Variants in MADD observed in about 807,000 individuals in gnomAD.
MADD encodes MAP kinase-activating death domain protein.
Under a neutral mutation model 176.7 loss-of-function variants are expected in MADD, and 109 were observed. The ratio of observed to expected loss-of-function variants is 0.62; its 90% CI spans 0.53 to 0.72. The LOEUF is 0.72. MADD is among the 30% of genes least tolerant of loss of function. The probability of loss-of-function intolerance (pLI) is 0.00; values close to 1 mark genes in which losing one functional copy is unlikely to be tolerated. For missense variants in MADD, 1,914 were observed against 2,045.5 expected, an observed-to-expected ratio of 0.94 and a Z score of 1.24; for synonymous variants, 771 against 771.3, an observed-to-expected ratio of 1.00 and a Z score of 0.01.
exon 22 of MADD, chr11:47,296,014 G>T: frequency 6.2e-7 from 1 of 1,614,162 alleles, no homozygotes; most frequent in Non-Finnish European, 8.5e-7. Context: ...CACTTTGTCT[G>T]ATAGTGAAAT....
intron 15 of MADD, 65 bp from the exon 16 acceptor site, chr11:47,288,902 TC>T: frequency 1.8e-6 from 2 of 1,139,656 alleles, no homozygotes; most frequent in East Asian, 5.0e-5. Flanking sequence ...GGCTTACTGC[TC>T]CTCGGAGGGG....
In MADD at chr11:47,295,790, A is replaced by T. The variant is rs2071038069; in HGVS notation, c.3484-107A>T. 2.0e-6 allele frequency: 3 copies of T among 1,524,640 alleles called. No individual in the cohort carries two copies. In the East Asian group the frequency reaches 6.8e-5, roughly 35 times the overall value. 94.4% of individuals were successfully genotyped at this position (1,524,640 alleles called of 1,614,324 possible). On this transcript the variant is annotated intron_variant, in intron 21 of 32. Transcript: ENST00000402192. ...GGTACTTCCAGAGGCTATCTGACAC[A>T]CTTTTGAAATTTAATACTTTTTTAT...
At chr11:47,278,216 C>G in exon 6 of MADD, 1 of 1,614,132 alleles carries the variant, frequency 6.2e-7, no homozygotes, top group Non-Finnish European at 8.5e-7. Flanking sequence ...CAGCTTCTTC[C>G]TCTACAAACT....
chr11:47,277,749 A>G (rs540783167), intron 5 of MADD, among the ~76,000 whole-genome samples: 1 of 152,320 alleles, frequency 6.6e-6, no homozygotes, highest in South Asian at 2.1e-4. Context: ...AGATGGCTAC[A>G]GGCTGGACAC....
intron 1 of MADD, among the ~76,000 whole-genome samples, chr11:47,273,372 T>G (rs2046652382): frequency 6.6e-6 from 1 of 151,954 alleles, no homozygotes; most frequent in Non-Finnish European, 1.5e-5. Flanking sequence ...GGAGTCTCAC[T>G]CTGTCACCCA....
rs758614665 is a variant in MADD at position 47,282,960 on chromosome 11, C to T, written c.1853C>T (p.Thr618Ile). Residue 618 changes from threonine to isoleucine, a missense_variant, in exon 10 of 33, where the codon ACT becomes ATT. Around this residue, in one of 2 missense-constraint regions of MADD, gnomAD observed 1,767 missense variants for 1,836.0 expected, o/e 0.96. Coordinates refer to ENST00000402192, the Ensembl canonical transcript of MADD. ...GAGCGGGACTCTGACTCCGAACCTA[C>T]TGATGATAGGTGAGCATCCTTAGGG... 89 of 1,613,492 alleles carry T rather than the reference C, an allele frequency of 5.5e-5. No homozygotes were observed. In the Middle Eastern group the frequency reaches 4.1e-3, roughly 74 times the overall value.
chr11:47,312,664 G>A (rs935901611), intron 26 of MADD, among the ~76,000 whole-genome samples: 1 of 152,138 alleles, frequency 6.6e-6, no homozygotes, highest in African/African-American at 2.4e-5. Flanking sequence ...TTGAACTCCT[G>A]ACCTCAAGTG....
chr11:47,323,938 C>G, intron 28 of MADD, 103 bp downstream of exon 31: 1 of 1,280,588 alleles, frequency 7.8e-7, no homozygotes, highest in Non-Finnish European at 1.1e-6. Context: ...TCTGGAGCCA[C>G]ACTTCTGTCT....
chr11:47,280,629 A>G (rs751667120), intron 7 of MADD, among the ~76,000 whole-genome samples: 7 of 152,162 alleles, frequency 4.6e-5, no homozygotes, highest in Non-Finnish European at 7.4e-5. Flanking sequence ...CAGTGGCACA[A>G]TCTTGGCTCA....
chr11:47,310,756 A>G (rs1158392826), intron 25 of MADD, among the ~76,000 whole-genome samples: 3 of 151,790 alleles, frequency 2.0e-5, no homozygotes, highest in Non-Finnish European at 4.4e-5. Flanking sequence ...AAAATACAAA[A>G]GTTAGCTGGG....
chr11:47,304,431 A>G (rs2080850062), intron 22 of MADD, among the ~76,000 whole-genome samples: 1 of 152,022 alleles, frequency 6.6e-6, no homozygotes, highest in Admixed American at 6.6e-5. Flanking sequence ...GGGTTTCTCC[A>G]TGTTGCTTCG....
At chr11:47,313,308 T>A (rs528401103) in intron 26 of MADD, among the ~76,000 whole-genome samples, 1 of 152,252 alleles carries the variant, frequency 6.6e-6, no homozygotes, top group African/African-American at 2.4e-5. Flanking sequence ...ACTATTTTCT[T>A]TCTTTTTTTT....
intron 2 of MADD, among the ~76,000 whole-genome samples, chr11:47,274,185 C>T (rs773526453): frequency 2.0e-5 from 3 of 152,224 alleles, no homozygotes; most frequent in East Asian, 1.9e-4. Context: ...TTCTTGATGT[C>T]GAGCAAATAT....
At chr11:47,284,598 T>C (rs370951781) in intron 12 of MADD, 33 bp downstream of exon 12, 3 of 1,603,108 alleles carry the variant, frequency 1.9e-6, no homozygotes, top group African/African-American at 1.3e-5. Flanking sequence ...GTGAGAACCA[T>C]GGCCTGGGAT....
intron 15 of MADD, 133 bp from the exon 17 acceptor site, chr11:47,289,258 T>A (rs2063252727): frequency 1.2e-6 from 1 of 826,750 alleles, no homozygotes; most frequent in East Asian, 2.4e-5. Context: ...TCTACCTACG[T>A]ATGATGCCTT....
chr11:47,328,152 C>T lies in MADD; in HGVS notation c.4613-506C>T, dbSNP rs559345635. 22 of 1,020,078 alleles carry T rather than the reference C, an allele frequency of 2.2e-5. No homozygotes were observed. The African/African-American group carries it at 3.6e-4, about 17-fold the overall frequency. The allele number at this position is 1,020,078 out of a possible 1,614,324, so 63.2% of individuals were successfully genotyped here. A position where few individuals can be genotyped will look rare whatever the true frequency, so the allele number is the denominator to read the frequency against. On this transcript the variant is annotated intron_variant, in intron 31 of 32. Transcript: ENST00000402192. ...ATATCATGTTACCTCTTCATCCAGC[C>T]TCAAGACCCTCTGTGTAGGGGGCTG...
intron 22 of MADD, among the ~76,000 whole-genome samples, chr11:47,307,150 G>A (rs1228922280): frequency 2.0e-5 from 3 of 151,276 alleles, no homozygotes; most frequent in African/African-American, 7.3e-5. Context: ...CTGGGCTTAA[G>A]TGATCCTCCT....
At chr11:47,284,200 G>T in exon 11 of MADD, 1 of 1,613,870 alleles carries the variant, frequency 6.2e-7, no homozygotes, top group South Asian at 1.1e-5. Context: ...TATGGATTAT[G>T]ACGATTCAAG....
chr11:47,273,725 G>A (rs543816326), intron 1 of MADD, 102 bp from the exon 2 acceptor site: 92 of 547,368 alleles, frequency 1.7e-4, no homozygotes, highest in Non-Finnish European at 2.4e-4. Flanking sequence ...TAGTATGAAA[G>A]TGGAAGACCT....
Sources: allele counts gnomAD v4.1 joint callset (sites outside exome capture counted in the v4.1 genomes callset), GRCh38; gene constraint gnomAD v4.1.1; regional missense constraint gnomAD v4.1.1; transcripts MANE v1.5; gene names NCBI Gene and HGNC (gene_info 2026-07-23, HGNC 2026-07-21).